Variants in FAM76B observed in about 807,000 individuals in gnomAD.
The protein encoded by FAM76B is family with sequence similarity 76 member B.
FAM76B carries 16 observed loss-of-function variants against 51.8 expected under a neutral mutation model. The observed-to-expected ratio is 0.31, with a 90% CI of 0.21 to 0.47. The LOEUF (loss-of-function observed/expected upper bound fraction) is 0.47, where lower values mean the gene tolerates loss of function less well. FAM76B is among the 20% of genes least tolerant of loss of function. The probability of loss-of-function intolerance (pLI) is 1.00; values close to 1 mark genes in which losing one functional copy is unlikely to be tolerated. For synonymous variants in FAM76B, 166 were observed against 129.5 expected (o/e 1.28, Z -1.91); for missense variants, 342 against 392.6 (o/e 0.87, Z 1.09).
chr11:95,779,648 C>G lies in FAM76B; in HGVS notation c.651G>C (p.Lys217Asn), dbSNP rs1451982157. 6.2e-7 allele frequency: 1 copy of G among 1,609,670 alleles called. No homozygotes were observed. The highest frequency in any genetic ancestry group is 1.7e-5 in the Admixed American group (1 of 59,532). The change falls in exon 7 of 10, where the codon AAG becomes AAC. Residue 217 changes from lysine (K) to asparagine (N), a missense_variant. Around this residue, in one of 3 missense-constraint regions of FAM76B, gnomAD observed 230 missense variants for 257.4 expected, o/e 0.89. Transcript: ENST00000358780. ...SSATIQNETP[K>N]KKPKLESKPS... Reference sequence around the variant, plus strand: ...GCTTAGATTCCAATTTGGGCTTTTTCTTTGGAGTTTCATTCTGAATTGTTG... The same window carrying G: ...GCTTAGATTCCAATTTGGGCTTTTTGTTTGGAGTTTCATTCTGAATTGTTG...
chr11:95,776,622 T>C (rs772030311), intron 8 of FAM76B, among the ~76,000 whole-genome samples: 1 of 151,300 alleles, frequency 6.6e-6, no homozygotes, highest in Non-Finnish European at 1.5e-5. Context: ...AGAAGGTTAC[T>C]ATAAAATTTG....
At chr11:95,789,215 G>T in intron 1 of FAM76B, 177 bp downstream of exon 1, 2 of 955,732 alleles carry the variant, frequency 2.1e-6, no homozygotes, top group Non-Finnish European at 3.0e-6. Context: ...TTCAGGGTCC[G>T]TTCCCAGCTA....
At chr11:95,788,780 A>G (rs926592596) in intron 1 of FAM76B, 14 of 1,448,952 alleles carry the variant, frequency 9.7e-6, no homozygotes, top group African/African-American at 2.8e-5. Flanking sequence ...ACGTGGGGGT[A>G]TATTACAGAC....
At chr11:95,787,151 T>A (rs1860640043) in intron 3 of FAM76B, among the ~76,000 whole-genome samples, 1 of 152,214 alleles carries the variant, frequency 6.6e-6, no homozygotes, top group Admixed American at 6.5e-5. Flanking sequence ...TGACTGTTTT[T>A]AAATGTTATC....
intron 8 of FAM76B, among the ~76,000 whole-genome samples, chr11:95,778,412 T>C (rs1565288128): frequency 6.6e-6 from 1 of 151,510 alleles, no homozygotes; most frequent in Non-Finnish European, 1.5e-5. Context: ...TCAGCAGTAT[T>C]TTGATCTGGA....
At chr11:95,788,794 T>C in intron 1 of FAM76B, 1 of 1,471,828 alleles carries the variant, frequency 6.8e-7, no homozygotes, top group African/African-American at 1.4e-5. Context: ...TACAGACAAA[T>C]TAAGAAAGCT....
intron 1 of FAM76B, 91 bp downstream of exon 1, chr11:95,789,301 G>A: frequency 1.4e-6 from 2 of 1,389,402 alleles, no homozygotes; most frequent in Non-Finnish European, 2.0e-6. Flanking sequence ...CTGAGGCGCC[G>A]GCGAAGAGGG....
At chr11:95,788,606 C>A in intron 1 of FAM76B, 43 bp from the exon 2 acceptor site, 1 of 1,557,418 alleles carries the variant, frequency 6.4e-7, no homozygotes, top group Non-Finnish European at 8.8e-7. Context: ...TCTGAAAGTC[C>A]CAAATCTCAC....
At chr11:95,778,495 T>G (rs938931474) in intron 8 of FAM76B, among the ~76,000 whole-genome samples, 1 of 151,572 alleles carries the variant, frequency 6.6e-6, no homozygotes, top group African/African-American at 2.4e-5. Context: ...ACTACATTCT[T>G]AAATCAAAAA....
At position 95,785,498 on chromosome 11, in the gene FAM76B, T is replaced by C. The variant is rs563911865; in HGVS notation, c.363+621A>G. 2.4e-4 allele frequency among the ~76,000 whole-genome samples: 37 copies of C among 152,352 alleles called. No homozygotes were observed. The South Asian group carries it at 7.5e-3, about 31-fold the overall frequency. ...ATTCCATCCATAGTATTCCATGATG[T>C]TTATGTACCAGACATGCTGGAGGGA... On this transcript the variant is annotated intron_variant, in intron 4 of 9. Coordinates refer to ENST00000358780, the MANE Select transcript of FAM76B (RefSeq NM_144664.5).
intron 4 of FAM76B, among the ~76,000 whole-genome samples, chr11:95,783,599 T>A (rs904869659): frequency 6.6e-6 from 1 of 152,202 alleles, no homozygotes; most frequent in African/African-American, 2.4e-5. Context: ...TAGCCTGAAT[T>A]CTTATATCGC....
intron 5 of FAM76B, among the ~76,000 whole-genome samples, chr11:95,781,550 A>C (rs1335407998): frequency 6.6e-6 from 1 of 152,130 alleles, no homozygotes; most frequent in African/African-American, 2.4e-5. Context: ...CACAAACATA[A>C]TCTGATTGTG....
At chr11:95,781,867 A>G (rs1435485383) in intron 5 of FAM76B, among the ~76,000 whole-genome samples, 1 of 152,122 alleles carries the variant, frequency 6.6e-6, no homozygotes, top group African/African-American at 2.4e-5. Flanking sequence ...CCTCAACGTA[A>G]CCTCATAATC....
At chr11:95,780,769 C>T (rs1860224447) in intron 5 of FAM76B, among the ~76,000 whole-genome samples, 1 of 151,900 alleles carries the variant, frequency 6.6e-6, no homozygotes, top group African/African-American at 2.4e-5. Context: ...CATCCCCAGC[C>T]TTAGTTCCCT....
chr11:95,789,502 GC>G lies in FAM76B; in HGVS notation c.-25del. 6.4e-7 allele frequency: 1 copy of G among 1,574,104 alleles called. No individual in the cohort carries two copies. The highest frequency in any genetic ancestry group is 8.6e-7 in the Non-Finnish European group (1 of 1,160,340). On this transcript the variant is annotated 5_prime_UTR_variant, in exon 1 of 10. Transcript: ENST00000358780. ...ATCCTGCTCCTCAGTCTCCTCCTCC[GC>G]CGCCGCCCGCTCCGAGGCGGGGCCC...
chr11:95,778,694 A>G, intron 8 of FAM76B, 128 bp downstream of exon 8: 3 of 1,204,018 alleles, frequency 2.5e-6, no homozygotes, highest in Non-Finnish European at 3.3e-6. Context: ...GGCTTTTGTA[A>G]TTTGTCTTAT....
At position 95,779,602 on chromosome 11, in the gene FAM76B, T is replaced by G. The variant is rs1232245898; in HGVS notation, c.692+5A>C. 2.6e-5 allele frequency: 41 copies of G among 1,601,444 alleles called. No individual in the cohort carries two copies. The highest frequency in any genetic ancestry group is 3.4e-5 in the Non-Finnish European group (40 of 1,174,788). On this transcript the variant is annotated splice_donor_5th_base_variant and intron_variant, in intron 7 of 9. Coordinates refer to ENST00000358780, the MANE Select transcript of FAM76B (RefSeq NM_144664.5). ...TTTCATAACACTAAAAGAATTCATT[T>G]TTACCTATCTCCATTAGATGGCTTA... is the stretch of plus-strand genomic sequence containing the variant.
At position 95,778,967 on chromosome 11, in the gene FAM76B, A is replaced by G. The variant is rs764649884; in HGVS notation, c.693-10T>C. The G allele has an allele frequency of 1.3e-5, 21 of 1,605,034 alleles. No homozygotes were observed. The highest frequency in any genetic ancestry group is 1.7e-5 in the Non-Finnish European group (20 of 1,176,284). On this transcript the variant is annotated splice_polypyrimidine_tract_variant and intron_variant, in intron 7 of 9. Transcript: ENST00000358780. ...CTGATTTATAGAGCTACTAAAAAGAAAAAAGTAAAACACAGTTAAATGAAG... is the reference window on the plus strand; with the variant it reads ...CTGATTTATAGAGCTACTAAAAAGAGAAAAGTAAAACACAGTTAAATGAAG...
rs774582122 is a variant in FAM76B at position 95,779,173 on chromosome 11, C to A, written c.693-216G>T. ...AATTCAGTATTAGCTTTAAGGGGGT[C>A]AATACTTCTAGTGTAAAGCAATAGG... is the stretch of plus-strand genomic sequence containing the variant. On this transcript the variant is annotated intron_variant, in intron 7 of 9. Transcript: ENST00000358780. The A allele has an allele frequency of 1.3e-5, 20 of 1,547,714 alleles. No individual in the cohort carries two copies. In the East Asian group the frequency reaches 4.6e-4, roughly 35 times the overall value.
Sources: allele counts gnomAD v4.1 joint callset (sites outside exome capture counted in the v4.1 genomes callset), GRCh38; gene constraint gnomAD v4.1.1; regional missense constraint gnomAD v4.1.1; transcripts MANE v1.5; gene names NCBI Gene and HGNC (gene_info 2026-07-23, HGNC 2026-07-21).